The following CACNA2D3 variants were observed in gnomAD, a reference collection of about 807,000 sequenced individuals.
CACNA2D3 encodes the protein calcium voltage-gated channel auxiliary subunit alpha2delta 3.
CACNA2D3 carries 60 observed loss-of-function variants against 160.6 expected under a neutral mutation model. The ratio of observed to expected loss-of-function variants is 0.37; its 90% CI spans 0.30 to 0.46. The LOEUF (loss-of-function observed/expected upper bound fraction) is 0.46. Among genes scored for constraint, CACNA2D3 ranks in the 20% least tolerant of loss-of-function variants. The pLI is 1.00. For missense variants in CACNA2D3, 1,205 were observed against 1,365.0 expected (o/e 0.88, Z 1.85); for synonymous variants, 558 against 492.9 (o/e 1.13, Z -1.75).
chr3:54,636,168 T>A (rs917783954), intron 10 of CACNA2D3, among the ~76,000 whole-genome samples: 9 of 151,896 alleles, frequency 5.9e-5, no homozygotes, highest in African/African-American at 9.7e-5. Flanking sequence ...AGAGGCAGGC[T>A]AGTGGCTAGT....
chr3:54,573,690 A>G (rs1185831032), intron 8 of CACNA2D3, among the ~76,000 whole-genome samples: 1 of 152,224 alleles, frequency 6.6e-6, no homozygotes, highest in Non-Finnish European at 1.5e-5. Context: ...GTATACACAC[A>G]GGCACCTACC....
intron 11 of CACNA2D3, among the ~76,000 whole-genome samples, chr3:54,719,799 G>A (rs553435663): frequency 1.1e-4 from 17 of 152,018 alleles, no homozygotes; most frequent in South Asian, 4.1e-4. Flanking sequence ...AAGATTTTTC[G>A]TTATAGATTC....
intron 4 of CACNA2D3, among the ~76,000 whole-genome samples, chr3:54,477,166 G>A (rs1281158668): frequency 6.6e-6 from 1 of 152,046 alleles, no homozygotes; most frequent in Non-Finnish European, 1.5e-5. Flanking sequence ...ATTCTCATGG[G>A]GTATTAGCTC....
chr3:54,889,054 A>C (rs1410990521), intron 24 of CACNA2D3, among the ~76,000 whole-genome samples: 1 of 152,226 alleles, frequency 6.6e-6, no homozygotes, highest in Admixed American at 6.5e-5. Flanking sequence ...GCATTCCAGG[A>C]ACAGCATGTA....
intron 4 of CACNA2D3, among the ~76,000 whole-genome samples, chr3:54,490,148 A>G (rs1456983694): frequency 6.6e-6 from 1 of 152,200 alleles, no homozygotes; most frequent in African/African-American, 2.4e-5. Flanking sequence ...GAAGAAGAAA[A>G]CAATAAGGAA....
chr3:54,782,841 A>C (rs1422203207), intron 13 of CACNA2D3, among the ~76,000 whole-genome samples: 1 of 152,186 alleles, frequency 6.6e-6, no homozygotes, highest in African/African-American at 2.4e-5. Flanking sequence ...TGCACTTCTG[A>C]AGCATCCTTC....
chr3:54,758,580 A>C (rs1702020694), intron 12 of CACNA2D3, among the ~76,000 whole-genome samples: 1 of 152,144 alleles, frequency 6.6e-6, no homozygotes. Context: ...TGTTTTTTTC[A>C]GTAGTGTGTG....
At chr3:54,741,154 G>A (rs1000154911) in intron 11 of CACNA2D3, among the ~76,000 whole-genome samples, 4 of 152,116 alleles carry the variant, frequency 2.6e-5, no homozygotes, top group East Asian at 1.9e-4. Flanking sequence ...GGTGGATGGC[G>A]GGAAGGGAGA....
chr3:54,726,684 ATGT>A (rs1488865023), intron 11 of CACNA2D3, among the ~76,000 whole-genome samples: 1 of 152,224 alleles, frequency 6.6e-6, no homozygotes, highest in East Asian at 1.9e-4. Context: ...TATTTAATAA[ATGT>A]TGTTGGTAAA....
chr3:54,733,664 C>T (rs1057184438), intron 11 of CACNA2D3, among the ~76,000 whole-genome samples: 2 of 152,110 alleles, frequency 1.3e-5, no homozygotes, highest in African/African-American at 4.8e-5. Flanking sequence ...TTTAGTCCAT[C>T]TTGATTTAAC....
chr3:54,357,435 A>T (rs756745502), intron 3 of CACNA2D3, among the ~76,000 whole-genome samples: 1 of 152,212 alleles, frequency 6.6e-6, no homozygotes, highest in African/African-American at 2.4e-5. Context: ...GCTGGTGAGG[A>T]TGTGAAGCAA....
In CACNA2D3 at chr3:54,752,644, G is replaced by C. The variant is rs1163934907; in HGVS notation, c.1213G>C (p.Asp405His). 4 of 1,613,510 alleles carry C rather than the reference G, an allele frequency of 2.5e-6. No individual in the cohort carries two copies. Among genetic ancestry groups the C allele is most frequent in the African/African-American group, 2.7e-5 (2 of 75,054 alleles). ...CATTGGACGAGAGGCTGCGTTTGCA[G>C]ACAATCTAAAGTGGATGGCCTGTGC... ...YLIGREAAFA[D>H]NLKWMACANK... The change falls in exon 12 of 38, where the codon GAC becomes CAC. Residue 405 changes from aspartate (D) to histidine (H), a missense_variant. Around this residue, in one of 3 missense-constraint regions of CACNA2D3, gnomAD observed 911 missense variants for 1,002.2 expected, o/e 0.91. Coordinates refer to ENST00000474759, the MANE Select transcript of CACNA2D3 (RefSeq NM_018398.3).
intron 2 of CACNA2D3, among the ~76,000 whole-genome samples, chr3:54,234,969 T>C (rs1051955363): frequency 3.3e-5 from 5 of 152,160 alleles, no homozygotes; most frequent in Admixed American, 1.3e-4. Flanking sequence ...GACACATGTT[T>C]ACCTGTGTAA....
At chr3:54,402,279 C>G (rs1333573136) in intron 4 of CACNA2D3, among the ~76,000 whole-genome samples, 1 of 151,786 alleles carries the variant, frequency 6.6e-6, no homozygotes, top group African/African-American at 2.4e-5. Flanking sequence ...AATTCTTTAC[C>G]TATCAATAAT....
At chr3:54,415,790 G>A (rs575936935) in intron 4 of CACNA2D3, among the ~76,000 whole-genome samples, 1 of 152,258 alleles carries the variant, frequency 6.6e-6, no homozygotes, top group South Asian at 2.1e-4. Context: ...AGACAACAGT[G>A]GATGGATGAA....
intron 11 of CACNA2D3, among the ~76,000 whole-genome samples, chr3:54,688,003 T>C (rs571106710): frequency 2.0e-5 from 3 of 152,328 alleles, no homozygotes; most frequent in Admixed American, 1.3e-4. Context: ...CTACTTGTCT[T>C]TGCGTCGTTA....
At chr3:54,929,160 G>A (rs995577998) in intron 27 of CACNA2D3, among the ~76,000 whole-genome samples, 2 of 152,138 alleles carry the variant, frequency 1.3e-5, no homozygotes, top group South Asian at 2.1e-4. Flanking sequence ...CACCAGCTGC[G>A]TGTCTCCAGG....
At chr3:54,431,682 G>T (rs1699992974) in intron 4 of CACNA2D3, among the ~76,000 whole-genome samples, 2 of 152,106 alleles carry the variant, frequency 1.3e-5, no homozygotes, top group Non-Finnish European at 2.9e-5. Context: ...GCGTGATCTT[G>T]GCTCACTGCA....
intron 4 of CACNA2D3, among the ~76,000 whole-genome samples, chr3:54,401,689 T>C (rs1575435201): frequency 6.6e-6 from 1 of 152,164 alleles, no homozygotes; most frequent in Admixed American, 6.5e-5. Flanking sequence ...CAAAAGTCTT[T>C]CCTAGGCAAG....
Sources: gnomAD v4.1 joint callset for allele counts (sites outside exome capture counted in the v4.1 genomes callset) on GRCh38, gnomAD v4.1.1 for gene constraint, gnomAD v4.1.1 regional missense constraint, MANE v1.5 for transcripts, NCBI Gene and HGNC (gene_info 2026-07-23, HGNC 2026-07-21) for gene names.